The following MTUS2 variants were observed in gnomAD, a reference collection of about 807,000 sequenced individuals.
MTUS2 encodes microtubule-associated tumor suppressor candidate 2.
In MTUS2, 40 loss-of-function variants were observed where a neutral mutation model predicts 114.1. The observed-to-expected ratio is 0.35, with a 90% CI of 0.27 to 0.46. The LOEUF (loss-of-function observed/expected upper bound fraction) is 0.46, where lower values mean the gene tolerates loss of function less well. Ranked by LOEUF, MTUS2 falls within the 20% of genes least tolerant of loss-of-function variation. The pLI is 1.00. For synonymous variants in MTUS2, 688 were observed against 672.0 expected (o/e 1.02, Z -0.37); for missense variants, 1,679 against 1,705.4 (o/e 0.98, Z 0.27).
At chr13:28,846,055 A>AAAAAAT (rs140946282) in intron 2 of MTUS2, among the ~76,000 whole-genome samples, 1 of 143,160 alleles carries the variant, frequency 7.0e-6, no homozygotes, top group Non-Finnish European at 1.5e-5. Context: ...TTAAAAAAAA[A>AAAAAAT]ATATATATAT....
intron 4 of MTUS2, among the ~76,000 whole-genome samples, chr13:29,059,690 C>A (rs1363614857): frequency 6.6e-6 from 1 of 152,192 alleles, no homozygotes; most frequent in Non-Finnish European, 1.5e-5. Flanking sequence ...TGCTAGCAGT[C>A]ATGGCTTGCC....
chr13:29,122,074 T>C (rs1423146646), intron 5 of MTUS2, among the ~76,000 whole-genome samples: 1 of 152,164 alleles, frequency 6.6e-6, no homozygotes, highest in Non-Finnish European at 1.5e-5. Context: ...GGTATACTTG[T>C]TGTATAACTA....
chr13:29,190,590 G>A (rs1894406052), intron 5 of MTUS2, among the ~76,000 whole-genome samples: 1 of 152,230 alleles, frequency 6.6e-6, no homozygotes, highest in Non-Finnish European at 1.5e-5. Flanking sequence ...AGGAGCCTGT[G>A]GTGGTAGGCA....
At chr13:29,390,126 CATAT>C (rs537879012) in intron 8 of MTUS2, among the ~76,000 whole-genome samples, 1 of 143,442 alleles carries the variant, frequency 7.0e-6, no homozygotes, top group South Asian at 2.2e-4. Context: ...CACACACAAA[CATAT>C]ATACTGACTA....
rs556659225 is a variant in MTUS2, at chr13:29,177,820, T to C, written c.2644+76850T>C. Among the ~76,000 whole-genome samples the C allele has an allele frequency of 5.1e-3, 779 of 152,258 alleles. 5 individuals are homozygous for C. The highest frequency in any genetic ancestry group is 8.1e-3 in the Non-Finnish European group (553 of 68,028). ...ATCGTGGAGAAGCTCCAATGTGTGCTCAGATGAGGACCCTGAGCTACACCT... is the reference window on the plus strand; with the variant it reads ...ATCGTGGAGAAGCTCCAATGTGTGCCCAGATGAGGACCCTGAGCTACACCT... On this transcript the variant is annotated intron_variant, in intron 5 of 15. Transcript: ENST00000612955.
intron 7 of MTUS2, among the ~76,000 whole-genome samples, chr13:29,337,139 C>T (rs778569028): frequency 2.6e-5 from 4 of 151,806 alleles, no homozygotes; most frequent in Non-Finnish European, 5.9e-5. Flanking sequence ...GCCCCCTTTC[C>T]AGGGGGGTGA....
intron 5 of MTUS2, among the ~76,000 whole-genome samples, chr13:29,150,853 T>C (rs1277294587): frequency 6.6e-6 from 1 of 152,118 alleles, no homozygotes; most frequent in African/African-American, 2.4e-5. Flanking sequence ...GTTGTATTAA[T>C]AGGTGTGCAG....
chr13:29,099,845 T>G lies in MTUS2; in HGVS notation c.2447-928T>G, dbSNP rs143222712. On this transcript the variant is annotated intron_variant, in intron 4 of 15. Transcript: ENST00000612955. ...ACAATATTGTGATTCTCTCTGGTGC[T>G]GAGCGCCTTCTCATAGTGTTGTGAT... Among the ~76,000 whole-genome samples, 1,394 of 152,340 alleles carry G rather than the reference T, an allele frequency of 9.2e-3. 24 individuals carry two copies. Among genetic ancestry groups the G allele is most frequent in the African/African-American group, 0.032 (1,324 of 41,568 alleles).
Position 29,389,349 on chromosome 13 carries a change from G to GTATATA in MTUS2, c.3117+29877_3117+29878insATATAT, listed in dbSNP as rs1373563702. 4.9e-3 allele frequency among the ~76,000 whole-genome samples: 384 copies of GTATATA among 78,310 alleles called. 43 individuals are homozygous for GTATATA. The highest frequency in any genetic ancestry group is 0.017 in the African/African-American group (281 of 16,080). 51.4% of individuals were successfully genotyped at this position (78,310 alleles called of 152,430 possible). Reference sequence around the variant, plus strand: ...TGTGTGTATATATGTATGCACGTGTGTGTATATATGTATGCACGTGTGTGT... The same window carrying GTATATA: ...TGTGTGTATATATGTATGCACGTGTGTATATATGTATATATGTATGCACGTGTGTGT... On this transcript the variant is annotated intron_variant, in intron 8 of 15. Transcript: ENST00000612955.
Position 28,966,410 on chromosome 13 carries a change from T to A in MTUS2, c.-242-58047T>A, listed in dbSNP as rs577583621. ...TTCTTATTAGATAATTTTCTATTCATGTTTATGCCTAATTCAAGAATTGGC... is the reference window on the plus strand; with the variant it reads ...TTCTTATTAGATAATTTTCTATTCAAGTTTATGCCTAATTCAAGAATTGGC... On this transcript the variant is annotated intron_variant, in intron 2 of 15. Coordinates refer to ENST00000612955, the MANE Select transcript of MTUS2 (RefSeq NM_001033602.4). Among the ~76,000 whole-genome samples, 3 of 152,324 alleles carry A rather than the reference T, an allele frequency of 2.0e-5. No homozygotes were observed. The East Asian group carries it at 5.8e-4, about 29-fold the overall frequency.
chr13:29,214,391 T>C (rs1355313795), intron 5 of MTUS2, among the ~76,000 whole-genome samples: 1 of 152,236 alleles, frequency 6.6e-6, no homozygotes, highest in African/African-American at 2.4e-5. Context: ...TGTGAATTAA[T>C]CCTGTCATCA....
At chr13:29,194,091 A>G (rs1200855205) in intron 5 of MTUS2, among the ~76,000 whole-genome samples, 4 of 151,000 alleles carry the variant, frequency 2.6e-5, no homozygotes, top group Non-Finnish European at 5.9e-5. Flanking sequence ...ACAAAAATTA[A>G]TTCAAGATGG....
At chr13:29,142,009 A>G (rs765718842) in intron 5 of MTUS2, among the ~76,000 whole-genome samples, 3 of 151,690 alleles carry the variant, frequency 2.0e-5, no homozygotes, top group Admixed American at 2.0e-4. Context: ...ACAGGCACCC[A>G]CCACCACACC....
At position 28,822,194 on chromosome 13, in the gene MTUS2, T is replaced by G. The variant is rs185932542; in HGVS notation, c.-316+1583T>G. On this transcript the variant is annotated intron_variant, in intron 1 of 15. Coordinates refer to ENST00000612955, the MANE Select transcript of MTUS2 (RefSeq NM_001033602.4). ...GAGTCAGTGTTTTCTGTCTCCCTTA[T>G]GTAATCCCAAATATCCAAATCTAGG... Among the ~76,000 whole-genome samples, 11 of 152,354 alleles carry G rather than the reference T, an allele frequency of 7.2e-5. No homozygotes were observed. In the East Asian group the frequency reaches 2.1e-3, roughly 29 times the overall value.
chr13:29,324,467 G>A, intron 6 of MTUS2, 146 bp from the exon 7 acceptor site: 1 of 617,296 alleles, frequency 1.6e-6, no homozygotes, highest in Non-Finnish European at 2.9e-6. Flanking sequence ...AGCACAGGGG[G>A]TGGTGACCAT....
At chr13:28,822,371 G>A (rs1352148221) in intron 1 of MTUS2, among the ~76,000 whole-genome samples, 3 of 152,178 alleles carry the variant, frequency 2.0e-5, no homozygotes, top group African/African-American at 4.8e-5. Flanking sequence ...AACCCACTCC[G>A]GCATACGCAC....
At position 29,503,405 on chromosome 13, in the gene MTUS2, G is replaced by C; in HGVS notation, c.*199G>C. ...TAGGAATGTGTAAATGGTAAAGTCT[G>C]ATGTGCAAACGTTTTACCATAGTTA... On this transcript the variant is annotated 3_prime_UTR_variant, in exon 16 of 16. Coordinates refer to ENST00000612955, the MANE Select transcript of MTUS2 (RefSeq NM_001033602.4). The C allele has an allele frequency of 1.6e-6, 1 of 615,164 alleles. No individual in the cohort carries two copies. The highest frequency in any genetic ancestry group is 2.0e-5 in the South Asian group (1 of 50,122). 38.1% of individuals were successfully genotyped at this position (615,164 alleles called of 1,614,324 possible). A position where few individuals can be genotyped will look rare whatever the true frequency, so the allele number is the denominator to read the frequency against.
At chr13:29,240,987 T>C (rs1896709742) in intron 5 of MTUS2, among the ~76,000 whole-genome samples, 1 of 152,178 alleles carries the variant, frequency 6.6e-6, no homozygotes, top group African/African-American at 2.4e-5. Context: ...TCTGCCCTTA[T>C]CAGCTTCTTT....
chr13:28,977,442 A>T (rs1884164637), intron 2 of MTUS2, among the ~76,000 whole-genome samples: 1 of 152,084 alleles, frequency 6.6e-6, no homozygotes, highest in Non-Finnish European at 1.5e-5. Flanking sequence ...GAAACTTACT[A>T]CCTTTTATAT....
Sources: allele counts gnomAD v4.1 joint callset (sites outside exome capture counted in the v4.1 genomes callset), GRCh38; gene constraint gnomAD v4.1.1; transcripts MANE v1.5; gene names NCBI Gene and HGNC (gene_info 2026-07-23, HGNC 2026-07-21).